The following EMC2 variants were observed in gnomAD, a reference collection of about 807,000 sequenced individuals.
The protein encoded by EMC2 is ER membrane protein complex subunit 2.
EMC2 carries 37 observed loss-of-function variants against 51.6 expected under a neutral mutation model. The ratio of observed to expected loss-of-function variants is 0.72; its 90% confidence interval spans 0.55 to 0.94. The LOEUF (loss-of-function observed/expected upper bound fraction) is 0.94, where lower values mean the gene tolerates loss of function less well. EMC2 is among the 40% of genes least tolerant of loss of function. The pLI is 0.00. For synonymous variants in EMC2, 131 were observed against 112.4 expected (o/e 1.17, Z -1.04); for missense variants, 359 against 350.9 (o/e 1.02, Z -0.18).
At chr8:108,484,130 C>A (rs1242306883) in intron 10 of EMC2, among the ~76,000 whole-genome samples, 2 of 152,072 alleles carry the variant, frequency 1.3e-5, no homozygotes, top group Non-Finnish European at 2.9e-5. Context: ...TTAATGTGAA[C>A]CTACTCACAA....
chr8:108,479,057 G>A lies in EMC2; in HGVS notation c.754G>A (p.Asp252Asn). The A allele has an allele frequency of 4.4e-6, 7 of 1,590,438 alleles. No homozygotes were observed. Among genetic ancestry groups the A allele is most frequent in the Non-Finnish European group, 6.0e-6 (7 of 1,168,084 alleles). Reference sequence around the variant, plus strand: ...AAAAGCAAGTGCAAAAACGAAAAAGGACAACATGAAATATGCTAGTTGGGC... The same window carrying A: ...AAAAGCAAGTGCAAAAACGAAAAAGAACAACATGAAATATGCTAGTTGGGC... ...NPKASAKTKK[D>N]NMKYASWAAS... The change falls in exon 10 of 11, where the codon GAC becomes AAC. Residue 252 changes from aspartate (D) to asparagine (N), a missense_variant. Coordinates refer to ENST00000220853, the MANE Select transcript of EMC2 (RefSeq NM_014673.5).
chr8:108,485,454 C>CAT (rs924628934), intron 10 of EMC2, among the ~76,000 whole-genome samples: 1 of 142,632 alleles, frequency 7.0e-6, no homozygotes, highest in Non-Finnish European at 1.5e-5. Flanking sequence ...AATATATATA[C>CAT]ATATATATAA....
intron 5 of EMC2, among the ~76,000 whole-genome samples, chr8:108,469,288 A>T (rs980852036): frequency 6.6e-6 from 1 of 152,200 alleles, no homozygotes; most frequent in Admixed American, 6.5e-5. Context: ...AAAACTTTAG[A>T]ATACAGCTTC....
At chr8:108,460,762 C>T (rs549761372) in intron 5 of EMC2, among the ~76,000 whole-genome samples, 1 of 152,270 alleles carries the variant, frequency 6.6e-6, no homozygotes, top group South Asian at 2.1e-4. Flanking sequence ...ATAAGGGATA[C>T]TCCCTGTAGT....
At chr8:108,449,667 T>C (rs749146432) in intron 1 of EMC2, among the ~76,000 whole-genome samples, 156 bp from the exon 2 acceptor site, 1 of 152,246 alleles carries the variant, frequency 6.6e-6, no homozygotes, top group African/African-American at 2.4e-5. Flanking sequence ...TTTTCTACTT[T>C]ATCAAATTTG....
chr8:108,457,331 CGTGTGTGTGTGTGTGTGTGT>C (rs56319322), intron 5 of EMC2, among the ~76,000 whole-genome samples: 6 of 128,086 alleles, frequency 4.7e-5, no homozygotes, highest in East Asian at 2.2e-4. Flanking sequence ...CGTGTGTGTG[CGTGTGTGTGTGTGTGTGTGT>C]GTGTGTGTGT....
At chr8:108,477,015 GTAAT>G (rs1810959843) in intron 9 of EMC2, 123 bp downstream of exon 9, 1 of 552,788 alleles carries the variant, frequency 1.8e-6, no homozygotes, top group East Asian at 3.0e-5. Context: ...GTTTTTTTCT[GTAAT>G]TAATTCTGAG....
intron 10 of EMC2, among the ~76,000 whole-genome samples, chr8:108,481,466 T>C (rs1279469163): frequency 6.6e-6 from 1 of 151,818 alleles, no homozygotes; most frequent in East Asian, 1.9e-4. Context: ...TTATGTAATA[T>C]TAAAAAAAAA....
intron 10 of EMC2, among the ~76,000 whole-genome samples, chr8:108,483,340 A>C (rs1390993286): frequency 6.6e-6 from 1 of 152,144 alleles, no homozygotes; most frequent in Non-Finnish European, 1.5e-5. Context: ...CCCACTCAAA[A>C]TAGCATTTCC....
intron 5 of EMC2, among the ~76,000 whole-genome samples, chr8:108,469,068 C>T (rs1810798290): frequency 6.6e-6 from 1 of 152,164 alleles, no homozygotes; most frequent in African/African-American, 2.4e-5. Context: ...ATTTTCATAA[C>T]ACCCTAGATA....
chr8:108,483,225 G>A (rs1811078181), intron 10 of EMC2, among the ~76,000 whole-genome samples: 1 of 152,046 alleles, frequency 6.6e-6, no homozygotes, highest in Non-Finnish European at 1.5e-5. Flanking sequence ...AGTGTGACAA[G>A]ACCCCCTTGA....
In EMC2 at chr8:108,455,883, G is replaced by A; in HGVS notation, c.316G>A (p.Ala106Thr). The A allele has an allele frequency of 8.1e-7, 1 of 1,236,014 alleles. No homozygotes were observed. The highest frequency in any genetic ancestry group is 1.1e-6 in the Non-Finnish European group (1 of 880,858). The allele number at this position is 1,236,014 out of a possible 1,614,324, so 76.6% of individuals were successfully genotyped here. Residue 106 changes from alanine to threonine, a missense_variant, in exon 5 of 11, where the codon GCT (alanine) becomes ACT (threonine). Physicochemically the swap from Ala to Thr is moderately conservative, Grantham distance 58. Transcript: ENST00000220853. ...RFEAMERYDDAIQLYDRILQE... is the reference protein window; with the variant it reads ...RFEAMERYDDTIQLYDRILQE... ...TTTCTTTTTAAATAGATATGATGAT[G>A]CTATACAGCTATATGATAGGATTTT...
At chr8:108,459,729 T>A (rs62540841) in intron 5 of EMC2, among the ~76,000 whole-genome samples, 104 of 98,574 alleles carry the variant, frequency 1.1e-3, no homozygotes, top group South Asian at 6.1e-3. Context: ...AGAGTGTGTG[T>A]GTGTGTGTGT....
chr8:108,465,885 A>G lies in EMC2; in HGVS notation c.364-3941A>G, dbSNP rs1442300663. On this transcript the variant is annotated intron_variant, in intron 5 of 10. Transcript: ENST00000220853. ...AACTTATATGGTCATCCAGATTTCT[A>G]CTTTACAACTGAGAAAAAGCTGCAG... Among the ~76,000 whole-genome samples the G allele has an allele frequency of 5.9e-5, 9 of 152,362 alleles. No homozygotes were observed. The East Asian group carries it at 1.3e-3, about 23-fold the overall frequency.
intron 10 of EMC2, among the ~76,000 whole-genome samples, chr8:108,481,401 A>G (rs1463942842): frequency 6.6e-6 from 1 of 151,950 alleles, no homozygotes; most frequent in African/African-American, 2.4e-5. Context: ...GATAGCTCAG[A>G]TCTGTAATGG....
chr8:108,460,517 CAT>C (rs1372010535), intron 5 of EMC2, among the ~76,000 whole-genome samples: 7 of 152,194 alleles, frequency 4.6e-5, no homozygotes, highest in African/African-American at 1.2e-4. Flanking sequence ...ACCCCGATCA[CAT>C]GTGATGAGTC....
At chr8:108,454,862 G>A (rs1819114101) in intron 4 of EMC2, among the ~76,000 whole-genome samples, 1 of 151,974 alleles carries the variant, frequency 6.6e-6, no homozygotes, top group Non-Finnish European at 1.5e-5. Flanking sequence ...TTCTAAGTTG[G>A]TTTTCTCTCA....
intron 9 of EMC2, 142 bp from the exon 10 acceptor site, chr8:108,478,864 A>G (rs894350714): frequency 2.6e-6 from 1 of 379,968 alleles, no homozygotes; most frequent in African/African-American, 2.1e-5. Flanking sequence ...CTAATATTCA[A>G]CTTTATGTTT....
chr8:108,459,725 T>TG (rs1278852799), intron 5 of EMC2, among the ~76,000 whole-genome samples: 1 of 74,636 alleles, frequency 1.3e-5, no homozygotes, highest in Non-Finnish European at 2.4e-5. Context: ...AGAGAGAGTG[T>TG]GTGTGTGTGT....
Sources: allele counts gnomAD v4.1 joint callset (sites outside exome capture counted in the v4.1 genomes callset), GRCh38; gene constraint gnomAD v4.1.1; transcripts MANE v1.5; gene names NCBI Gene and HGNC (gene_info 2026-07-23, HGNC 2026-07-21).